Variants in PEX5 observed in about 807,000 individuals in gnomAD.
PEX5 encodes the protein peroxisomal biogenesis factor 5.
Under a neutral mutation model 82.9 loss-of-function variants are expected in PEX5, and 52 were observed. That is an observed-to-expected ratio of 0.63 (90% CI 0.50 to 0.79). PEX5 has a LOEUF of 0.79. PEX5 is among the 30% of genes least tolerant of loss of function. The pLI is 0.00. For missense variants in PEX5, 719 were observed against 815.2 expected (o/e 0.88, Z 1.44); for synonymous variants, 300 against 318.8 (o/e 0.94, Z 0.63).
At chr12:7,189,989 G>A (rs751293349) in intron 1 of PEX5, 1 of 1,501,596 alleles carries the variant, frequency 6.7e-7, no homozygotes, top group South Asian at 1.3e-5. Context: ...AGGTATGGTC[G>A]GGCTGTTTTC....
chr12:7,209,082 A>C lies in PEX5; in HGVS notation c.1472A>C (p.Gln491Pro). ...CCTACCTCCATTGACCCTGATGTGC[A>C]GTGTGGCTTGGGAGTCCTTTTCAAC... ...LDPTSIDPDV[Q>P]CGLGVLFNLS... Residue 491 changes from glutamine to proline, a missense_variant, in exon 14 of 16, where the codon CAG (glutamine) becomes CCG (proline). Transcript: ENST00000675855. 1 of 1,614,078 alleles carries C rather than the reference A, an allele frequency of 6.2e-7. No homozygotes were observed. The highest frequency in any genetic ancestry group is 8.5e-7 in the Non-Finnish European group (1 of 1,179,970).
rs887362333 is a variant in PEX5 at position 7,202,010 on chromosome 12, C to A, written c.642+169C>A. The A allele has an allele frequency of 2.4e-5, 18 of 753,418 alleles. No homozygotes were observed. In the African/African-American group the frequency reaches 2.4e-4, roughly 10 times the overall value. 46.7% of individuals were successfully genotyped at this position (753,418 alleles called of 1,614,324 possible). ...GATCCTGCCTCTTCCTTCTAGTGTT[C>A]ATTCCCTCATCTCCTTGCCTACTAA... On this transcript the variant is annotated intron_variant, in intron 7 of 15. Coordinates refer to ENST00000675855, the MANE Select transcript of PEX5 (RefSeq NM_001351132.2).
rs145613325 is a variant in PEX5 at position 7,199,089 on chromosome 12, C to T, written c.527C>T (p.Pro176Leu). The change falls in exon 6 of 16, where the codon CCT becomes CTT. Residue 176 changes from proline to leucine, a missense_variant. By Grantham distance (98) the Pro-to-Leu change is moderately conservative (BLOSUM62 -3). Coordinates refer to ENST00000675855, the MANE Select transcript of PEX5 (RefSeq NM_001351132.2). ...GAGGAGAAGCTGTGGCTGGGAGAACCTGAGGGAACAGCCACCGATCGCTGG... is the reference window on the plus strand; with the variant it reads ...GAGGAGAAGCTGTGGCTGGGAGAACTTGAGGGAACAGCCACCGATCGCTGG... The part of the protein sequence containing the change: ...QSEEKLWLGE[P>L]EGTATDRWYD... 5.6e-6 allele frequency: 9 copies of T among 1,604,786 alleles called. No individual in the cohort carries two copies. In the African/African-American group the frequency reaches 1.2e-4, roughly 21 times the overall value.
intron 1 of PEX5, 70 bp from the exon 2 acceptor site, chr12:7,190,292 C>T (rs893190386): frequency 6.3e-7 from 1 of 1,597,030 alleles, no homozygotes; most frequent in Non-Finnish European, 8.5e-7. Context: ...TCCTCAGATA[C>T]GGGCAGAGTT....
intron 9 of PEX5, 84 bp from the exon 10 acceptor site, chr12:7,203,348 C>T (rs528483144): frequency 1.0e-5 from 15 of 1,466,346 alleles, no homozygotes; most frequent in African/African-American, 1.4e-5. Flanking sequence ...GAACTGCTGC[C>T]TTAGAGAATC....
downstream of PEX5, among the ~76,000 whole-genome samples, chr12:7,212,245 G>A (rs769516301): frequency 5.3e-5 from 8 of 151,562 alleles, no homozygotes; most frequent in African/African-American, 1.5e-4. Context: ...GATTACAGAC[G>A]TGAGCCACCG....
intron 8 of PEX5, 55 bp downstream of exon 8, chr12:7,202,406 A>C: frequency 6.2e-7 from 1 of 1,604,716 alleles, no homozygotes; most frequent in Non-Finnish European, 8.5e-7. Flanking sequence ...GCCCCAGGCC[A>C]TGGGTTCAGT....
At chr12:7,212,528 TAAGTA>T (rs1344090767), downstream of PEX5, among the ~76,000 whole-genome samples, 4 of 145,322 alleles carry the variant, frequency 2.8e-5, no homozygotes, top group Non-Finnish European at 4.5e-5. Context: ...GACAACTGGG[TAAGTA>T]AATTGTCCAG....
downstream of PEX5, among the ~76,000 whole-genome samples, chr12:7,215,038 C>G (rs77101895): frequency 3.3e-5 from 5 of 151,906 alleles, no homozygotes; most frequent in East Asian, 3.9e-4. Context: ...CTTTGTAGTC[C>G]GCAAAATTTG....
In PEX5 at chr12:7,203,219, C is replaced by A. The variant is rs77861648; in HGVS notation, c.847-213C>A. ...CACTGCACTGCACTGCACTGCACTG[C>A]ACTACATTACATTTCTGGCCATCAC... On this transcript the variant is annotated intron_variant, in intron 9 of 15. Coordinates refer to ENST00000675855, the MANE Select transcript of PEX5 (RefSeq NM_001351132.2). Among the ~76,000 whole-genome samples the A allele has an allele frequency of 0.68, 56,439 of 83,236 alleles. 22,183 individuals are homozygous for A. The highest frequency in any genetic ancestry group is 0.8 in the South Asian group (2,105 of 2,618). 54.6% of individuals were successfully genotyped at this position (83,236 alleles called of 152,430 possible). A position where few individuals can be genotyped will look rare whatever the true frequency, so the allele number is the denominator to read the frequency against.
rs761990872 is a variant in PEX5 at position 7,209,141 on chromosome 12, T to G, written c.1531T>G (p.Phe511Val). ...GGAGTATGACAAGGCCGTGGACTGCTTCACAGCTGCCCTCAGCGTTCGTCC... is the reference window on the plus strand; with the variant it reads ...GGAGTATGACAAGGCCGTGGACTGCGTCACAGCTGCCCTCAGCGTTCGTCC... ...SGEYDKAVDCFTAALSVRPND... is the reference protein window; with the variant it reads ...SGEYDKAVDCVTAALSVRPND... Residue 511 changes from phenylalanine to valine, a missense_variant, in exon 14 of 16, where the codon TTC becomes GTC. Transcript: ENST00000675855. The G allele has an allele frequency of 6.2e-7, 1 of 1,614,090 alleles. No individual in the cohort carries two copies.
chr12:7,203,652 G>T, intron 10 of PEX5, 101 bp downstream of exon 10: 1 of 1,165,228 alleles, frequency 8.6e-7, no homozygotes, highest in South Asian at 1.3e-5. Context: ...GTATTTTCTT[G>T]AGTCCCTTTC....
rs764489732 is a variant in PEX5, at chr12:7,191,218, T to A, written c.184-8T>A. On this transcript the variant is annotated splice_polypyrimidine_tract_variant and splice_region_variant and intron_variant, in intron 3 of 15. Coordinates refer to ENST00000675855, the MANE Select transcript of PEX5 (RefSeq NM_001351132.2). ...TATGGGTTCATTTCATCATTTCCCTTCTGGCAGTTGGTGGCTGAATTCCTG... is the reference window on the plus strand; with the variant it reads ...TATGGGTTCATTTCATCATTTCCCTACTGGCAGTTGGTGGCTGAATTCCTG... 1.9e-6 allele frequency: 3 copies of A among 1,614,202 alleles called. No individual in the cohort carries two copies. The East Asian group carries it at 6.7e-5, about 36-fold the overall frequency.
At chr12:7,190,734 T>A in intron 2 of PEX5, 154 bp from the exon 3 acceptor site, 2 of 1,327,544 alleles carry the variant, frequency 1.5e-6, no homozygotes, top group Admixed American at 3.4e-5. Flanking sequence ...TACCACTTAC[T>A]GAGCGTTTAT....
chr12:7,196,249 T>TACAA (rs1491365585), intron 5 of PEX5, among the ~76,000 whole-genome samples: 1 of 68,096 alleles, frequency 1.5e-5, no homozygotes, highest in African/African-American at 3.8e-5. Flanking sequence ...ATATGTCATA[T>TACAA]TTAATTATAT....
At chr12:7,205,601 C>G (rs967920564) in intron 10 of PEX5, among the ~76,000 whole-genome samples, 2 of 152,164 alleles carry the variant, frequency 1.3e-5, no homozygotes, top group Admixed American at 6.5e-5. Context: ...AAATTAATGA[C>G]TTGGGTTTGG....
At chr12:7,190,154 A>T (rs1940712082) in intron 1 of PEX5, 3 of 1,489,126 alleles carry the variant, frequency 2.0e-6, no homozygotes, top group Non-Finnish European at 2.7e-6. Flanking sequence ...GCAGGCTGGA[A>T]GCGGTGGCCT....
chr12:7,204,860 T>G (rs760239962), intron 10 of PEX5, among the ~76,000 whole-genome samples: 4 of 152,108 alleles, frequency 2.6e-5, no homozygotes, highest in African/African-American at 4.8e-5. Context: ...TGTGACAAAT[T>G]AGAAAGCAAA....
Position 7,210,291 on chromosome 12 carries a change from C to A in PEX5, c.*68C>A. 6.8e-7 allele frequency: 1 copy of A among 1,469,166 alleles called. No homozygotes were observed. Among genetic ancestry groups the A allele is most frequent in the African/African-American group, 1.4e-5 (1 of 72,346 alleles). 91.0% of individuals were successfully genotyped at this position (1,469,166 alleles called of 1,614,324 possible). On this transcript the variant is annotated 3_prime_UTR_variant, in exon 16 of 16. Coordinates refer to ENST00000675855, the MANE Select transcript of PEX5 (RefSeq NM_001351132.2). ...CCCGCTTTGGATGTGATTCCCTCTC[C>A]CCAAATGGGCCTACCAAGGGGGCGG... is the stretch of plus-strand genomic sequence containing the variant.
Sources: allele counts gnomAD v4.1 joint callset (sites outside exome capture counted in the v4.1 genomes callset), GRCh38; gene constraint gnomAD v4.1.1; transcripts MANE v1.5; gene names NCBI Gene and HGNC (gene_info 2026-07-23, HGNC 2026-07-21).